DDX19B: variants seen among roughly 807,000 people sequenced by gnomAD.
DDX19B encodes the protein DEAD-box helicase 19B, also known as ATP-dependent RNA helicase DDX19B.
DDX19B carries 27 observed loss-of-function variants against 58.1 expected under a neutral mutation model. The observed-to-expected ratio is 0.46, with a 90% CI of 0.34 to 0.64. The LOEUF is 0.64. Among genes scored for constraint, DDX19B ranks in the 30% least tolerant of loss-of-function variants. The probability of loss-of-function intolerance (pLI) is 0.01; values close to 1 mark genes in which losing one functional copy is unlikely to be tolerated. For missense variants in DDX19B, 399 were observed against 596.5 expected, an observed-to-expected ratio of 0.67 and a Z score of 3.45; for synonymous variants, 187 against 214.4, an observed-to-expected ratio of 0.87 and a Z score of 1.12.
chr16:70,294,972 T>A, upstream of DDX19B: 3 of 1,445,266 alleles, frequency 2.1e-6, no homozygotes, highest in Non-Finnish European at 2.7e-6. Flanking sequence ...TTAGGTGCCT[T>A]CCTCGCCCCT....
chr16:70,319,206 G>A (rs1051159625), intron 5 of DDX19B, among the ~76,000 whole-genome samples: 12 of 152,010 alleles, frequency 7.9e-5, no homozygotes, highest in Non-Finnish European at 1.3e-4. Flanking sequence ...AGTTTATATC[G>A]TATATGCACC....
Position 70,314,896 on chromosome 16 carries a change from A to G in DDX19B, c.107-6A>G. Reference sequence around the variant, plus strand: ...TTTGAATGATGGCCACTTTGTGTCTATAAAGGTGCTGTTGTCAAGACCAAT... The same window carrying G: ...TTTGAATGATGGCCACTTTGTGTCTGTAAAGGTGCTGTTGTCAAGACCAAT... On this transcript the variant is annotated splice_region_variant and splice_polypyrimidine_tract_variant and intron_variant, in intron 2 of 11. Transcript: ENST00000288071. The G allele has an allele frequency of 6.2e-7, 1 of 1,608,772 alleles. No homozygotes were observed. Among genetic ancestry groups the G allele is most frequent in the Non-Finnish European group, 8.5e-7 (1 of 1,176,482 alleles).
intron 1 of DDX19B, among the ~76,000 whole-genome samples, chr16:70,304,506 G>A (rs945228420): frequency 2.1e-5 from 3 of 141,134 alleles, no homozygotes; most frequent in African/African-American, 9.5e-5. Context: ...CCGAGTAGCT[G>A]GGATTACAGG....
intron 8 of DDX19B, 133 bp from the exon 9 acceptor site, chr16:70,329,698 G>A (rs1400739301): frequency 1.5e-6 from 2 of 1,326,768 alleles, no homozygotes; most frequent in Non-Finnish European, 1.0e-6. Flanking sequence ...TCCCAGGCCT[G>A]CTGCTCCTCC....
At position 70,315,058 on chromosome 16, in the gene DDX19B, T is replaced by C. The variant is rs571160796; in HGVS notation, c.160+103T>C. The C allele has an allele frequency of 4.8e-6, 6 of 1,243,202 alleles. No homozygotes were observed. In the African/African-American group the frequency reaches 7.5e-5, roughly 16 times the overall value. 77.0% of individuals were successfully genotyped at this position (1,243,202 alleles called of 1,614,324 possible). A position where few individuals can be genotyped will look rare whatever the true frequency, so the allele number is the denominator to read the frequency against. On this transcript the variant is annotated intron_variant, in intron 3 of 11. Coordinates refer to ENST00000288071, the MANE Select transcript of DDX19B (RefSeq NM_007242.7). ...TATACCCAGTTTGGCTTGACTTTAA[T>C]AGGCGATACAGTGCTAGCATAAAGG... is the stretch of plus-strand genomic sequence containing the variant.
intron 5 of DDX19B, among the ~76,000 whole-genome samples, chr16:70,323,585 G>A (rs1160380883): frequency 6.6e-6 from 1 of 151,636 alleles, no homozygotes; most frequent in Non-Finnish European, 1.5e-5. Context: ...CACCATGCCT[G>A]GCTAATTTTT....
intron 1 of DDX19B, among the ~76,000 whole-genome samples, chr16:70,300,585 T>C (rs1961442724): frequency 6.6e-6 from 1 of 151,042 alleles, no homozygotes; most frequent in Admixed American, 6.6e-5. Context: ...CTGGAGTGCA[T>C]TGACACCATC....
intron 7 of DDX19B, among the ~76,000 whole-genome samples, chr16:70,328,087 G>T (rs916943475): frequency 6.6e-6 from 1 of 151,786 alleles, no homozygotes; most frequent in Non-Finnish European, 1.5e-5. Flanking sequence ...CCGGGAGGGG[G>T]AGGTTGCAGT....
At position 70,331,906 on chromosome 16, in the gene DDX19B, C is replaced by T; in HGVS notation, c.1186+22C>T. The stretch of plus-strand genomic sequence containing the variant: ...CGCGGTGAGCAGAGGACGTGTCCCA[C>T]CTGGTCTGCCAGGCTTGGGGTCCCA... On this transcript the variant is annotated intron_variant, in intron 10 of 11. Coordinates refer to ENST00000288071, the MANE Select transcript of DDX19B (RefSeq NM_007242.7). The T allele has an allele frequency of 3.1e-6, 5 of 1,608,652 alleles. No homozygotes were observed. In the South Asian group the frequency reaches 5.5e-5, roughly 18 times the overall value.
At chr16:70,307,096 C>T (rs568929488) in intron 1 of DDX19B, among the ~76,000 whole-genome samples, 2 of 152,268 alleles carry the variant, frequency 1.3e-5, no homozygotes, top group Admixed American at 6.5e-5. Context: ...TGTGGATATA[C>T]CACATTTTAT....
At chr16:70,330,525 T>C (rs911848548) in intron 9 of DDX19B, among the ~76,000 whole-genome samples, 3 of 151,240 alleles carry the variant, frequency 2.0e-5, no homozygotes, top group African/African-American at 7.3e-5. Context: ...GAGGTGGAGG[T>C]TGCAGTGAGC....
At chr16:70,326,372 G>A (rs946832208) in intron 7 of DDX19B, among the ~76,000 whole-genome samples, 11 of 152,270 alleles carry the variant, frequency 7.2e-5, no homozygotes, top group African/African-American at 1.4e-4. Context: ...AGCTACTTGC[G>A]AGGCTGAGGC....
Position 70,332,997 on chromosome 16 carries a change from A to G in DDX19B, c.1216A>G (p.Ile406Val), listed in dbSNP as rs781149327. 1 of 1,613,338 alleles carries G rather than the reference A, an allele frequency of 6.2e-7. No individual in the cohort carries two copies. Among genetic ancestry groups the G allele is most frequent in the Middle Eastern group, 1.7e-4 (1 of 6,060 alleles). The stretch of plus-strand genomic sequence containing the variant: ...TGATGTTGAACAAGTGTCTGTCGTC[A>G]TCAACTTTGATCTTCCCGTGGACAA... ...GIDVEQVSVV[I>V]NFDLPVDKDG... Residue 406 changes from isoleucine to valine, a missense_variant, in exon 11 of 12, where the codon ATC (isoleucine) becomes GTC (valine). Transcript: ENST00000288071.
rs775956533 is a variant in DDX19B, at chr16:70,329,383, C to G, written c.699C>G (p.Pro233=). ...DWCSKLKFID[P]KKIKVFVLDE... ...GCTCCAAGCTCAAGTTCATTGATCC[C>G]AAGAAAATCAAGGTGTTTGTTCTGG... Residue 233 remains proline (P), a synonymous_variant, in exon 8 of 12, where the codon CCC becomes CCG. Coordinates refer to ENST00000288071, the MANE Select transcript of DDX19B (RefSeq NM_007242.7). 1.2e-6 allele frequency: 2 copies of G among 1,614,040 alleles called. No individual in the cohort carries two copies. The highest frequency in any genetic ancestry group is 8.5e-7 in the Non-Finnish European group (1 of 1,180,012).
At chr16:70,292,681 C>T (rs940002140), upstream of DDX19B, among the ~76,000 whole-genome samples, 3 of 152,114 alleles carry the variant, frequency 2.0e-5, no homozygotes, top group African/African-American at 7.2e-5. Flanking sequence ...TGGGAGTGAG[C>T]GATATGCACA....
chr16:70,309,428 G>A (rs1399691120), intron 1 of DDX19B, among the ~76,000 whole-genome samples: 1 of 152,152 alleles, frequency 6.6e-6, no homozygotes, highest in Non-Finnish European at 1.5e-5. Flanking sequence ...CTGGGAGGCA[G>A]AGCTTGCAGT....
intron 5 of DDX19B, among the ~76,000 whole-genome samples, chr16:70,321,827 A>T (rs544288334): frequency 5.3e-4 from 81 of 151,954 alleles, no homozygotes; most frequent in African/African-American, 1.9e-3. Context: ...TGAGGTCAGG[A>T]GTTCGAGACC....
upstream of DDX19B, among the ~76,000 whole-genome samples, chr16:70,297,776 A>G (rs576073737): frequency 6.6e-6 from 1 of 152,196 alleles, no homozygotes; most frequent in Non-Finnish European, 1.5e-5. Context: ...ACTAGAGTGC[A>G]GTGACACAAA....
At chr16:70,325,336 G>A (rs150883787) in intron 6 of DDX19B, among the ~76,000 whole-genome samples, 25 of 152,290 alleles carry the variant, frequency 1.6e-4, no homozygotes, top group Admixed American at 1.4e-3. Flanking sequence ...GCTCATGGGT[G>A]GGTTTTTGTA....
Sources: allele counts gnomAD v4.1 joint callset (sites outside exome capture counted in the v4.1 genomes callset), GRCh38; gene constraint gnomAD v4.1.1; transcripts MANE v1.5; gene names NCBI Gene and HGNC (gene_info 2026-07-23, HGNC 2026-07-21).